The following EYS variants were observed in gnomAD, a reference collection of about 807,000 sequenced individuals.
EYS encodes the protein protein eyes shut homolog.
Under a neutral mutation model 282.1 loss-of-function variants are expected in EYS, and 250 were observed. That is an observed-to-expected ratio of 0.89 (90% CI 0.80 to 0.98). The LOEUF is 0.98. EYS is among the 50% of genes least tolerant of loss of function. EYS has a pLI of 0.00. For missense variants in EYS, 4,016 were observed against 3,709.0 expected (o/e 1.08, Z -2.15); for synonymous variants, 1,355 against 1,282.9 (o/e 1.06, Z -1.20).
intron 7 of EYS, among the ~76,000 whole-genome samples, chr6:65,388,379 A>T (rs1765879633): frequency 6.6e-6 from 1 of 151,998 alleles, no homozygotes. Context: ...GAGAGGTGCT[A>T]TATAATTAAT....
intron 31 of EYS, among the ~76,000 whole-genome samples, chr6:64,229,960 G>A (rs1374566906): frequency 6.6e-6 from 1 of 152,158 alleles, no homozygotes; most frequent in Non-Finnish European, 1.5e-5. Context: ...TCAGTGCAAG[G>A]ACAACAAGTC....
intron 21 of EYS, among the ~76,000 whole-genome samples, chr6:64,818,027 C>T (rs892730362): frequency 1.3e-5 from 2 of 152,090 alleles, no homozygotes; most frequent in Admixed American, 6.6e-5. Context: ...GAGAAAGTCA[C>T]GATTTTTAAA....
chr6:65,501,109 G>A (rs571266325), intron 2 of EYS, among the ~76,000 whole-genome samples: 2 of 152,002 alleles, frequency 1.3e-5, no homozygotes, highest in East Asian at 1.9e-4. Flanking sequence ...CTGTATTAAA[G>A]AGTACTTATT....
chr6:65,340,686 T>C (rs144538547), intron 10 of EYS, among the ~76,000 whole-genome samples: 1 of 151,254 alleles, frequency 6.6e-6, no homozygotes, highest in African/African-American at 2.4e-5. Flanking sequence ...CTACACCAAA[T>C]AAATAACTTT....
intron 31 of EYS, among the ~76,000 whole-genome samples, chr6:64,151,358 TATATA>T (rs1774724548): frequency 1.7e-5 from 2 of 119,944 alleles, no homozygotes; most frequent in South Asian, 2.4e-4. Context: ...TATATATATA[TATATA>T]ATTTTTTTTT....
chr6:64,145,074 A>C (rs1366942492), intron 31 of EYS, among the ~76,000 whole-genome samples: 2 of 152,118 alleles, frequency 1.3e-5, no homozygotes, highest in East Asian at 1.9e-4. Flanking sequence ...AAGGATGATA[A>C]ATTTGAGGGA....
At position 64,318,213 on chromosome 6, in the gene EYS, A is replaced by T. The variant is rs1414446566; in HGVS notation, c.6079-11131T>A. On this transcript the variant is annotated intron_variant, in intron 29 of 42. Coordinates refer to ENST00000503581, the MANE Select transcript of EYS (RefSeq NM_001142800.2). ...CAGAATTCTCCCTTTTTTCATTTCAAACATGTTGTCTTACATTTCTAAATA... is the reference window on the plus strand; with the variant it reads ...CAGAATTCTCCCTTTTTTCATTTCATACATGTTGTCTTACATTTCTAAATA... Among the ~76,000 whole-genome samples the T allele has an allele frequency of 2.0e-5, 3 of 151,980 alleles. No individual in the cohort carries two copies. The East Asian group carries it at 5.8e-4, about 29-fold the overall frequency.
At chr6:64,188,396 T>C (rs1765008436) in intron 31 of EYS, among the ~76,000 whole-genome samples, 1 of 152,174 alleles carries the variant, frequency 6.6e-6, no homozygotes, top group Admixed American at 6.6e-5. Context: ...TTGCAATATT[T>C]AGCAAATAAA....
intron 13 of EYS, among the ~76,000 whole-genome samples, chr6:65,053,508 T>G (rs1773332463): frequency 6.6e-6 from 1 of 151,786 alleles, no homozygotes; most frequent in Admixed American, 6.6e-5. Context: ...TTTATCAAAA[T>G]ATATGTTCAT....
intron 13 of EYS, among the ~76,000 whole-genome samples, chr6:65,007,772 C>A (rs1771729164): frequency 1.3e-5 from 2 of 152,142 alleles, no homozygotes; most frequent in Admixed American, 6.5e-5. Flanking sequence ...TTCGGCCCAG[C>A]CAGCGTGCAT....
chr6:65,565,722 G>A (rs1582462978), intron 2 of EYS, among the ~76,000 whole-genome samples: 2 of 152,078 alleles, frequency 1.3e-5, no homozygotes, highest in South Asian at 4.1e-4. Context: ...TGATAGGCTG[G>A]ATAAAGAAAA....
At chr6:65,402,945 A>G (rs1766574986) in intron 6 of EYS, among the ~76,000 whole-genome samples, 1 of 152,110 alleles carries the variant, frequency 6.6e-6, no homozygotes, top group Non-Finnish European at 1.5e-5. Context: ...CTTTGAACCC[A>G]GCCACCATGC....
intron 24 of EYS, among the ~76,000 whole-genome samples, chr6:64,612,101 G>T (rs1210032742): frequency 1.3e-5 from 2 of 151,976 alleles, no homozygotes; most frequent in African/African-American, 4.8e-5. Context: ...TCTGTGTTAG[G>T]TTTATTTTGA....
intron 1 of EYS, among the ~76,000 whole-genome samples, chr6:65,672,346 C>G (rs1768419945): frequency 6.6e-6 from 1 of 152,024 alleles, no homozygotes; most frequent in Non-Finnish European, 1.5e-5. Flanking sequence ...TTAGTGGAGA[C>G]AGACACCATA....
At chr6:64,826,131 A>G (rs1319220177) in intron 19 of EYS, among the ~76,000 whole-genome samples, 5 of 151,822 alleles carry the variant, frequency 3.3e-5, no homozygotes. Flanking sequence ...ATGCATATTT[A>G]TGTGTCAATC....
chr6:65,122,759 C>A (rs1259730686), intron 12 of EYS, among the ~76,000 whole-genome samples: 1 of 151,938 alleles, frequency 6.6e-6, no homozygotes, highest in Admixed American at 6.6e-5. Context: ...TTCTGTTTTA[C>A]TCTTAAATCT....
chr6:64,219,320 T>A (rs919941809), intron 31 of EYS, among the ~76,000 whole-genome samples: 1 of 152,190 alleles, frequency 6.6e-6, no homozygotes, highest in Non-Finnish European at 1.5e-5. Flanking sequence ...CTGAGAGCTA[T>A]GGGATATTCC....
intron 41 of EYS, among the ~76,000 whole-genome samples, chr6:63,747,328 C>G (rs1050775219): frequency 6.6e-6 from 1 of 152,070 alleles, no homozygotes; most frequent in African/African-American, 2.4e-5. Context: ...GTTAAGATTT[C>G]CATCTTTTGC....
chr6:64,501,921 G>T lies in EYS; in HGVS notation c.5645-62569C>A, dbSNP rs140449476. Among the ~76,000 whole-genome samples, 93 of 152,280 alleles carry T rather than the reference G, an allele frequency of 6.1e-4. 1 individual carries two copies. The East Asian group carries it at 6.8e-3, about 11-fold the overall frequency. On this transcript the variant is annotated intron_variant, in intron 26 of 42. Transcript: ENST00000503581. Reference sequence around the variant, plus strand: ...AGCACCAGACTGTCAGGGTGCCAGAGTGGCTCCTGCATGTACTAGTTCTGG... The same window carrying T: ...AGCACCAGACTGTCAGGGTGCCAGATTGGCTCCTGCATGTACTAGTTCTGG...
Sources: gnomAD v4.1 joint callset for allele counts (sites outside exome capture counted in the v4.1 genomes callset) on GRCh38, gnomAD v4.1.1 for gene constraint, MANE v1.5 for transcripts, NCBI Gene and HGNC (gene_info 2026-07-23, HGNC 2026-07-21) for gene names.